The following PXDNL variants were observed in gnomAD, a reference collection of about 807,000 sequenced individuals.
PXDNL encodes peroxidasin like.
PXDNL carries 145 observed loss-of-function variants against 150.8 expected under a neutral mutation model. That is an observed-to-expected ratio of 0.96 (90% CI 0.84 to 1.10). The LOEUF is 1.10. Ranked by LOEUF, PXDNL falls within the 50% of genes least tolerant of loss-of-function variation. The pLI, the probability that PXDNL is intolerant of heterozygous loss-of-function variation, is 0.00. For synonymous variants in PXDNL, 757 were observed against 725.7 expected (o/e 1.04, Z -0.69); for missense variants, 2,087 against 1,873.9 (o/e 1.11, Z -2.10).
In PXDNL at chr8:51,532,086, G is replaced by A. The variant is rs76940114; in HGVS notation, c.380+24754C>T. On this transcript the variant is annotated intron_variant, in intron 4 of 22. Coordinates refer to ENST00000356297, the MANE Select transcript of PXDNL (RefSeq NM_144651.5). ...GAGGTTGCGGGTCTGGTCTGTCTAC[G>A]GTGCAGAATGCAGGTAAGTATGACT... Among the ~76,000 whole-genome samples the A allele has an allele frequency of 8.2e-3, 1,248 of 152,248 alleles. 88 individuals are homozygous for A. The East Asian group carries it at 0.18, about 22-fold the overall frequency.
At position 51,592,702 on chromosome 8, in the gene PXDNL, A is replaced by C; in HGVS notation, c.237-4T>G. ...GATGTGGTTGTTGTTCAGCAGACTG[A>C]AAAAGCAAAAACAAACAAATAATTC... On this transcript the variant is annotated splice_region_variant and splice_polypyrimidine_tract_variant and intron_variant, in intron 2 of 22. Transcript: ENST00000356297. 3 of 1,540,098 alleles carry C rather than the reference A, an allele frequency of 1.9e-6. No individual in the cohort carries two copies. Among genetic ancestry groups the C allele is most frequent in the Non-Finnish European group, 8.7e-7 (1 of 1,143,230 alleles).
chr8:51,799,237 G>A (rs1274791000), intron 1 of PXDNL, among the ~76,000 whole-genome samples: 1 of 152,066 alleles, frequency 6.6e-6, no homozygotes, highest in East Asian at 1.9e-4. Context: ...GAGCCTGTGG[G>A]GGCAGGGCAG....
intron 19 of PXDNL, among the ~76,000 whole-genome samples, chr8:51,359,375 G>T (rs942038233): frequency 6.6e-6 from 1 of 152,212 alleles, no homozygotes; most frequent in African/African-American, 2.4e-5. Flanking sequence ...GAACTAAGAA[G>T]TTAAATAGAT....
At chr8:51,473,505 G>A (rs1288030320) in intron 7 of PXDNL, among the ~76,000 whole-genome samples, 1 of 151,972 alleles carries the variant, frequency 6.6e-6, no homozygotes, top group Non-Finnish European at 1.5e-5. Context: ...ATTGTAGGCA[G>A]GAAAGACAGC....
chr8:51,391,658 G>A (rs1807913720), intron 17 of PXDNL, among the ~76,000 whole-genome samples: 1 of 152,136 alleles, frequency 6.6e-6, no homozygotes, highest in South Asian at 2.1e-4. Flanking sequence ...AGATGAGCAG[G>A]TTGCGAAAAT....
At chr8:51,808,750 A>T (rs1345030893) in intron 1 of PXDNL, among the ~76,000 whole-genome samples, 1 of 152,194 alleles carries the variant, frequency 6.6e-6, no homozygotes, top group African/African-American at 2.4e-5. Context: ...AAAGCCTAAC[A>T]ATTTGTCAGC....
chr8:51,342,475 T>C (rs1335800241), intron 20 of PXDNL, among the ~76,000 whole-genome samples: 1 of 152,114 alleles, frequency 6.6e-6, no homozygotes, highest in African/African-American at 2.4e-5. Flanking sequence ...AAATGGTTCT[T>C]TCATCTCAAA....
chr8:51,691,192 T>C (rs1308477869), intron 1 of PXDNL, among the ~76,000 whole-genome samples: 1 of 152,198 alleles, frequency 6.6e-6, no homozygotes, highest in Non-Finnish European at 1.5e-5. Context: ...CATTTGTCAA[T>C]TTTGGCTTTT....
At chr8:51,502,481 T>G (rs1159854941) in intron 4 of PXDNL, among the ~76,000 whole-genome samples, 1 of 152,168 alleles carries the variant, frequency 6.6e-6, no homozygotes, top group African/African-American at 2.4e-5. Context: ...TTTGCCTACA[T>G]TAGTGGCTTT....
intron 2 of PXDNL, among the ~76,000 whole-genome samples, chr8:51,600,251 A>G (rs993281949): frequency 7.4e-6 from 1 of 136,008 alleles, no homozygotes; most frequent in African/African-American, 2.8e-5. Flanking sequence ...AATAAATTAT[A>G]TCTCATATAA....
At chr8:51,433,563 G>A (rs1185199103) in intron 12 of PXDNL, among the ~76,000 whole-genome samples, 1 of 151,944 alleles carries the variant, frequency 6.6e-6, no homozygotes, top group Non-Finnish European at 1.5e-5. Context: ...TTTAAGACTG[G>A]GTTGACTTTT....
chr8:51,644,742 T>A (rs1193817297), intron 2 of PXDNL, among the ~76,000 whole-genome samples: 1 of 151,490 alleles, frequency 6.6e-6, no homozygotes. Flanking sequence ...CAGGTGTGAG[T>A]CACCGCGCCG....
intron 4 of PXDNL, among the ~76,000 whole-genome samples, chr8:51,537,748 C>T (rs1393073417): frequency 6.6e-6 from 1 of 152,176 alleles, no homozygotes; most frequent in Non-Finnish European, 1.5e-5. Context: ...GTAAGTTATG[C>T]TCTTTACATC....
chr8:51,576,546 T>A (rs966738007), intron 3 of PXDNL, among the ~76,000 whole-genome samples: 14 of 151,886 alleles, frequency 9.2e-5, no homozygotes, highest in African/African-American at 3.1e-4. Flanking sequence ...ATCTATCATA[T>A]GACATGCTTA....
intron 1 of PXDNL, among the ~76,000 whole-genome samples, chr8:51,704,788 A>C (rs1210359620): frequency 6.6e-6 from 1 of 152,110 alleles, no homozygotes; most frequent in Non-Finnish European, 1.5e-5. Flanking sequence ...ACTTACATAA[A>C]ATGCCTTTTG....
chr8:51,739,647 G>T (rs911384212), intron 1 of PXDNL, among the ~76,000 whole-genome samples: 1 of 152,000 alleles, frequency 6.6e-6, no homozygotes, highest in Non-Finnish European at 1.5e-5. Context: ...GGCCGAGGCG[G>T]GTGGATCACA....
chr8:51,528,556 G>A (rs1793365504), intron 4 of PXDNL, among the ~76,000 whole-genome samples: 1 of 152,150 alleles, frequency 6.6e-6, no homozygotes, highest in African/African-American at 2.4e-5. Flanking sequence ...CATGACAAAA[G>A]GGACTTTGCA....
At chr8:51,374,970 C>A (rs539140722) in intron 17 of PXDNL, among the ~76,000 whole-genome samples, 2 of 152,240 alleles carry the variant, frequency 1.3e-5, no homozygotes, top group African/African-American at 4.8e-5. Context: ...AAGCCTCATG[C>A]AATGTCCCCT....
rs3040925 is a variant in PXDNL at position 51,335,682 on chromosome 8, TACACACAC to T, written c.4146+3934_4146+3941del. Among the ~76,000 whole-genome samples, 303 of 137,578 alleles carry T rather than the reference TACACACAC, an allele frequency of 2.2e-3. 1 individual carries two copies. Among genetic ancestry groups the T allele is most frequent in the African/African-American group, 6.1e-3 (226 of 37,184 alleles). 90.3% of individuals were successfully genotyped at this position (137,578 alleles called of 152,430 possible). On this transcript the variant is annotated intron_variant, in intron 21 of 22. Transcript: ENST00000356297. ...TCATCTCATTGTTCATTATATACCC[TACACACAC>T]ACACACACACACACACACACACACA...
Sources: gnomAD v4.1 joint callset for allele counts (sites outside exome capture counted in the v4.1 genomes callset) on GRCh38, gnomAD v4.1.1 for gene constraint, MANE v1.5 for transcripts, NCBI Gene and HGNC (gene_info 2026-07-23, HGNC 2026-07-21) for gene names.